CALN1: variants seen among roughly 807,000 people sequenced by gnomAD.
CALN1 encodes the protein calcium-binding protein 8.
Under a neutral mutation model 30.6 loss-of-function variants are expected in CALN1, and 17 were observed. The ratio of observed to expected loss-of-function variants is 0.56; its 90% confidence interval spans 0.38 to 0.83. The LOEUF is 0.83. Ranked by LOEUF, CALN1 falls within the 40% of genes least tolerant of loss-of-function variation. The probability of loss-of-function intolerance (pLI) is 0.00; values close to 1 mark genes in which losing one functional copy is unlikely to be tolerated. For missense variants in CALN1, 291 were observed against 354.9 expected, an observed-to-expected ratio of 0.82 and a Z score of 1.45; for synonymous variants, 156 against 131.4, an observed-to-expected ratio of 1.19 and a Z score of -1.28.
At chr7:72,066,791 T>TA (rs962040113) in intron 4 of CALN1, among the ~76,000 whole-genome samples, 12 of 151,936 alleles carry the variant, frequency 7.9e-5, no homozygotes, top group African/African-American at 2.4e-4. Flanking sequence ...TATTTTATTT[T>TA]TTTTTTTTGA....
At chr7:72,076,039 G>A (rs1345782308) in intron 4 of CALN1, among the ~76,000 whole-genome samples, 3 of 152,054 alleles carry the variant, frequency 2.0e-5, no homozygotes, top group Non-Finnish European at 4.4e-5. Flanking sequence ...AATACTTCTT[G>A]AGCACCTATG....
At chr7:71,982,491 G>T (rs1337541478) in intron 5 of CALN1, among the ~76,000 whole-genome samples, 2 of 152,178 alleles carry the variant, frequency 1.3e-5, no homozygotes, top group Non-Finnish European at 2.9e-5. Flanking sequence ...CTACTCTGGA[G>T]GCTGAGGCAG....
At chr7:71,958,065 C>CAAAAAAAA (rs56355838) in intron 5 of CALN1, among the ~76,000 whole-genome samples, 12 of 93,828 alleles carry the variant, frequency 1.3e-4, no homozygotes, top group East Asian at 5.8e-4. Flanking sequence ...AACTCCATCT[C>CAAAAAAAA]AAAAAAAAAA....
chr7:72,493,490 C>T, the CALN1 span, among the ~76,000 whole-genome samples: 1 of 152,050 alleles, frequency 6.6e-6, no homozygotes, highest in Non-Finnish European at 1.5e-5. Flanking sequence ...AAGCATGCAC[C>T]ACCACTCCCA....
intron 5 of CALN1, among the ~76,000 whole-genome samples, chr7:71,813,972 C>T (rs894719807): frequency 6.7e-6 from 1 of 150,182 alleles, no homozygotes; most frequent in Non-Finnish European, 1.5e-5. Flanking sequence ...TCCCAACCTA[C>T]GGGCCCAAGC....
chr7:72,123,087 T>A (rs1432431570), intron 3 of CALN1, among the ~76,000 whole-genome samples: 1 of 152,134 alleles, frequency 6.6e-6, no homozygotes, highest in Non-Finnish European at 1.5e-5. Context: ...TCACAGCTAT[T>A]TACCACTGTT....
At chr7:72,318,538 A>T (rs926400653) in intron 2 of CALN1, among the ~76,000 whole-genome samples, 1 of 151,976 alleles carries the variant, frequency 6.6e-6, no homozygotes, top group Non-Finnish European at 1.5e-5. Flanking sequence ...TAGTCCTCCA[A>T]TTAAACTTCA....
intron 5 of CALN1, among the ~76,000 whole-genome samples, chr7:71,883,966 T>G (rs545992160): frequency 6.4e-4 from 97 of 152,166 alleles, no homozygotes; most frequent in African/African-American, 2.2e-3. Context: ...CAGGTTGGAG[T>G]GAAGTGGCGC....
At chr7:71,886,344 G>A (rs905775106) in intron 5 of CALN1, among the ~76,000 whole-genome samples, 1 of 152,238 alleles carries the variant, frequency 6.6e-6, no homozygotes, top group African/African-American at 2.4e-5. Context: ...GGCAGATCCT[G>A]CCTTTCCCTT....
At chr7:72,383,046 A>C (rs533027771) in intron 2 of CALN1, among the ~76,000 whole-genome samples, 90 of 152,276 alleles carry the variant, frequency 5.9e-4, no homozygotes, top group African/African-American at 1.5e-3. Flanking sequence ...TCGGCCTCCC[A>C]AAGTGCTGGG....
At chr7:71,856,534 C>T (rs1790956883) in intron 5 of CALN1, among the ~76,000 whole-genome samples, 1 of 152,084 alleles carries the variant, frequency 6.6e-6, no homozygotes, top group Non-Finnish European at 1.5e-5. Context: ...TATATATGAA[C>T]ATATACATCT....
chr7:72,052,329 G>A (rs1219318739), intron 4 of CALN1, among the ~76,000 whole-genome samples: 3 of 152,114 alleles, frequency 2.0e-5, no homozygotes, highest in African/African-American at 7.2e-5. Flanking sequence ...AGTGGACACC[G>A]GCCAGGGAAG....
chr7:72,448,508 G>A (rs937746022), upstream of CALN1, among the ~76,000 whole-genome samples: 6 of 152,058 alleles, frequency 3.9e-5, no homozygotes, highest in East Asian at 3.9e-4. Flanking sequence ...GGCTAAGACC[G>A]CCACACCTCA....
chr7:72,459,778 C>T, the CALN1 span, among the ~76,000 whole-genome samples: 1 of 152,164 alleles, frequency 6.6e-6, no homozygotes, highest in East Asian at 1.9e-4. Context: ...CACGACACAG[C>T]TTCCATGTGT....
chr7:71,822,922 C>T (rs556283221), intron 5 of CALN1, among the ~76,000 whole-genome samples: 6 of 152,280 alleles, frequency 3.9e-5, no homozygotes, highest in Non-Finnish European at 7.3e-5. Flanking sequence ...GATTCCAATG[C>T]TTACTTCCAT....
rs535021058 is a variant in CALN1 at position 72,172,104 on chromosome 7, G to C, written c.245-65810C>G. Among the ~76,000 whole-genome samples the C allele has an allele frequency of 1.5e-3, 232 of 152,286 alleles. 1 individual carries two copies. The highest frequency in any genetic ancestry group is 2.0e-3 in the Admixed American group (31 of 15,302). ...CATCAACAAAAGAGTAATCCACCAG[G>C]GAACAGACCCATGGGGTCCAGCCTG... On this transcript the variant is annotated intron_variant, in intron 3 of 6. Coordinates refer to ENST00000395275, the MANE Select transcript of CALN1 (RefSeq NM_031468.4).
At chr7:72,191,148 A>C (rs999357614) in intron 3 of CALN1, among the ~76,000 whole-genome samples, 4 of 152,230 alleles carry the variant, frequency 2.6e-5, no homozygotes, top group African/African-American at 7.2e-5. Context: ...TGAAGGATAG[A>C]ATAAAGTCAT....
chr7:72,002,434 G>A (rs544909845), intron 5 of CALN1, among the ~76,000 whole-genome samples: 36 of 152,172 alleles, frequency 2.4e-4, no homozygotes, highest in Admixed American at 6.5e-4. Context: ...GCAGATATAT[G>A]GGTAATTGAA....
intron 4 of CALN1, among the ~76,000 whole-genome samples, chr7:72,030,170 T>C (rs577642192): frequency 6.6e-6 from 1 of 152,342 alleles, no homozygotes; most frequent in Admixed American, 6.5e-5. Flanking sequence ...TTGGTATATT[T>C]TGTCTTGAGC....
Sources: allele counts gnomAD v4.1 joint callset (sites outside exome capture counted in the v4.1 genomes callset), GRCh38; gene constraint gnomAD v4.1.1; transcripts MANE v1.5; gene names NCBI Gene and HGNC (gene_info 2026-07-23, HGNC 2026-07-21).